The following KCNQ1 variants were observed in gnomAD, a reference collection of about 807,000 sequenced individuals.
The protein encoded by KCNQ1 is potassium voltage-gated channel subfamily KQT member 1.
A neutral mutation model predicts 72.4 loss-of-function variants in KCNQ1; 49 were observed. The observed-to-expected ratio is 0.68, with a 90% CI of 0.54 to 0.86. KCNQ1 has a LOEUF of 0.86. Ranked by LOEUF, KCNQ1 falls within the 40% of genes least tolerant of loss-of-function variation. The pLI is 0.00. For synonymous variants in KCNQ1, 450 were observed against 412.6 expected (o/e 1.09, Z -1.10); for missense variants, 790 against 945.1 (o/e 0.84, Z 2.15).
Position 2,608,401 on chromosome 11 carries a change from A to G in KCNQ1, c.1393+19547A>G. The G allele has an allele frequency of 2.5e-6, 1 of 398,614 alleles. No homozygotes were observed. The highest frequency in any genetic ancestry group is 4.4e-6 in the Non-Finnish European group (1 of 226,066). The allele number at this position is 398,614 out of a possible 1,614,324, so 24.7% of individuals were successfully genotyped here. A position where few individuals can be genotyped will look rare whatever the true frequency, so the allele number is the denominator to read the frequency against. ...CTAAGTTTTATAATTTATTGGCACA[A>G]AATTGTTCATAGTGTTCCTTCATAA... On this transcript the variant is annotated intron_variant, in intron 10 of 15. Transcript: ENST00000155840. The surrounding 1 kb of genome is among the most constrained non-coding windows in gnomAD (Gnocchi z 4.6).
At position 2,763,656 on chromosome 11, in the gene KCNQ1, C is replaced by G. The variant is rs80010853; in HGVS notation, c.1515-5188C>G. On this transcript the variant is annotated intron_variant, in intron 11 of 15. Transcript: ENST00000155840. ...TACAGCAGCCTTGAGCTCCTGGGCTCAAGCAGTCCGCCCATCTCAGCCTCC... is the reference window on the plus strand; with the variant it reads ...TACAGCAGCCTTGAGCTCCTGGGCTGAAGCAGTCCGCCCATCTCAGCCTCC... 3.9e-5 allele frequency among the ~76,000 whole-genome samples: 6 copies of G among 152,326 alleles called. No homozygotes were observed. The East Asian group carries it at 1.2e-3, about 29-fold the overall frequency.
chr11:2,539,274 A>G (rs2133674124), intron 2 of KCNQ1, among the ~76,000 whole-genome samples: 1 of 152,188 alleles, frequency 6.6e-6, no homozygotes, highest in East Asian at 1.9e-4. Flanking sequence ...CCCCAGAAAG[A>G]CCCCATAATG....
At chr11:2,583,209 A>T (rs1848530257) in intron 6 of KCNQ1, among the ~76,000 whole-genome samples, 1 of 152,044 alleles carries the variant, frequency 6.6e-6, no homozygotes, top group South Asian at 2.1e-4. Flanking sequence ...GGCTCCTTAC[A>T]TGTGCTGGTG....
intron 15 of KCNQ1, 36 bp from the exon 16 acceptor site, chr11:2,847,731 C>A (rs1848359966): frequency 6.4e-7 from 1 of 1,555,700 alleles, no homozygotes. Context: ...GGGTGCTTCC[C>A]ACCACTGACT....
At position 2,463,737 on chromosome 11, in the gene KCNQ1, C is replaced by T. The variant is rs1291684766; in HGVS notation, c.386+18253C>T. Among the ~76,000 whole-genome samples, 5 of 152,220 alleles carry T rather than the reference C, an allele frequency of 3.3e-5. No individual in the cohort carries two copies. The highest frequency in any genetic ancestry group is 4.8e-5 in the African/African-American group (2 of 41,452). ...ATGTGAACCCTGAGTTTGTGCAACT[C>T]GAGTTTCAGAGTGGCGGCCTCTGCT... On this transcript the variant is annotated intron_variant, in intron 1 of 15. Coordinates refer to ENST00000155840, the MANE Select transcript of KCNQ1 (RefSeq NM_000218.3). This position sits in a 1 kb window ranked among gnomAD's most constrained non-coding sequence, Gnocchi z 7.0.
Position 2,677,151 on chromosome 11 carries a change from T to C in KCNQ1, c.1514+15070T>C, listed in dbSNP as rs181157787. On this transcript the variant is annotated intron_variant, in intron 11 of 15. Transcript: ENST00000155840. This position sits in a 1 kb window ranked among gnomAD's most constrained non-coding sequence, Gnocchi z 4.5. ...CATCCCTCCCTATTGAACACTGTTG[T>C]TTCTCCCTATCCATCTTATCCCTAC... 4.0e-5 allele frequency: 16 copies of C among 398,650 alleles called. 1 individual carries two copies. The Admixed American group carries it at 6.2e-4, about 15-fold the overall frequency. 24.7% of individuals were successfully genotyped at this position (398,650 alleles called of 1,614,324 possible).
intron 4 of KCNQ1, among the ~76,000 whole-genome samples, 169 bp from the exon 5 acceptor site, chr11:2,571,844 G>T (rs1449215576): frequency 1.3e-5 from 2 of 152,162 alleles, no homozygotes; most frequent in Non-Finnish European, 2.9e-5. Flanking sequence ...GCCTGAGAGG[G>T]AGATTCCCAG....
chr11:2,605,823 A>G (rs1848870421), intron 10 of KCNQ1, among the ~76,000 whole-genome samples: 1 of 152,246 alleles, frequency 6.6e-6, no homozygotes, highest in Non-Finnish European at 1.5e-5. Context: ...ACCAGCTGAG[A>G]TTCTGGTAAG....
rs1202454226 is a variant in KCNQ1 at position 2,746,820 on chromosome 11, G to A, written c.1515-22024G>A. Among the ~76,000 whole-genome samples the A allele has an allele frequency of 6.6e-6, 1 of 152,344 alleles. No individual in the cohort carries two copies. The highest frequency in any genetic ancestry group is 1.9e-4 in the East Asian group (1 of 5,176). ...GGACCCGCCAGCATTTGGCTCTGGGGCCCTAGAGAGACCCTGGGATGTGGA... is the reference window on the plus strand; with the variant it reads ...GGACCCGCCAGCATTTGGCTCTGGGACCCTAGAGAGACCCTGGGATGTGGA... On this transcript the variant is annotated intron_variant, in intron 11 of 15. Coordinates refer to ENST00000155840, the MANE Select transcript of KCNQ1 (RefSeq NM_000218.3). The surrounding 1 kb of genome is among the most constrained non-coding windows in gnomAD (Gnocchi z 5.9).
chr11:2,577,655 T>C (rs1848442837), intron 6 of KCNQ1, among the ~76,000 whole-genome samples: 1 of 152,184 alleles, frequency 6.6e-6, no homozygotes, highest in African/African-American at 2.4e-5. Flanking sequence ...CTGCTTTTGC[T>C]TTTACCCTGA....
At chr11:2,615,384 T>A in intron 10 of KCNQ1, 1 of 398,112 alleles carries the variant, frequency 2.5e-6, no homozygotes, top group Non-Finnish European at 4.4e-6. Context: ...GCTATTCATT[T>A]ACCTGTTTGT....
In KCNQ1 at chr11:2,457,197, C is replaced by T. The variant is rs946843217; in HGVS notation, c.386+11713C>T. Among the ~76,000 whole-genome samples the T allele has an allele frequency of 2.0e-4, 31 of 152,214 alleles. No homozygotes were observed. Among genetic ancestry groups the T allele is most frequent in the African/African-American group, 6.7e-4 (28 of 41,546 alleles). On this transcript the variant is annotated intron_variant, in intron 1 of 15. Coordinates refer to ENST00000155840, the MANE Select transcript of KCNQ1 (RefSeq NM_000218.3). This position sits in a 1 kb window ranked among gnomAD's most constrained non-coding sequence, Gnocchi z 5.0. The stretch of plus-strand genomic sequence containing the variant: ...AAGGGGAACACTTACACCCTGTTGA[C>T]GGGAGTGTAAATGAGTCCAGCCACC...
intron 1 of KCNQ1, among the ~76,000 whole-genome samples, chr11:2,469,994 A>C (rs1010314354): frequency 6.6e-6 from 1 of 150,660 alleles, no homozygotes; most frequent in Admixed American, 6.6e-5. Context: ...CTGCGGTCTC[A>C]CTCTGTCGCC....
At chr11:2,742,835 G>A (rs1564878659) in intron 11 of KCNQ1, among the ~76,000 whole-genome samples, 1 of 152,146 alleles carries the variant, frequency 6.6e-6, no homozygotes, top group Non-Finnish European at 1.5e-5. Context: ...AGCGGCTTAG[G>A]GACCCCCGAG....
In KCNQ1 at chr11:2,613,920, T is replaced by C. The variant is rs539090378; in HGVS notation, c.1393+25066T>C. The C allele has an allele frequency of 1.0e-5, 4 of 398,606 alleles. No homozygotes were observed. In the South Asian group the frequency reaches 5.1e-4, roughly 51 times the overall value. 24.7% of individuals were successfully genotyped at this position (398,606 alleles called of 1,614,324 possible). A position where few individuals can be genotyped will look rare whatever the true frequency, so the allele number is the denominator to read the frequency against. ...TCCCAAAAAAGTACTATTCTGTATA[T>C]GCCCTTTTGAACTTTGCTTTTCTCA... is the stretch of plus-strand genomic sequence containing the variant. On this transcript the variant is annotated intron_variant, in intron 10 of 15. Transcript: ENST00000155840. This position sits in a 1 kb window ranked among gnomAD's most constrained non-coding sequence, Gnocchi z 4.8.
rs1286402907 is a variant in KCNQ1, at chr11:2,492,181, T to G, written c.387-35747T>G. ...TACATACACAGAAATACAAATAGTA[T>G]TATAACACTGTAATTATGGTGTGTA... On this transcript the variant is annotated intron_variant, in intron 1 of 15. Transcript: ENST00000155840. The surrounding 1 kb of genome is among the most constrained non-coding windows in gnomAD (Gnocchi z 4.1). 6.6e-6 allele frequency among the ~76,000 whole-genome samples: 1 copy of G among 152,150 alleles called. No homozygotes were observed. The highest frequency in any genetic ancestry group is 1.5e-5 in the Non-Finnish European group (1 of 68,034).
At chr11:2,587,284 A>C (rs1213228497) in intron 8 of KCNQ1, among the ~76,000 whole-genome samples, 1 of 152,192 alleles carries the variant, frequency 6.6e-6, no homozygotes, top group Non-Finnish European at 1.5e-5. Flanking sequence ...CTTTGGCTCA[A>C]GGCTGGCTCA....
intron 4 of KCNQ1, 81 bp downstream of exon 4, chr11:2,571,484 CAT>C: frequency 8.6e-7 from 1 of 1,166,216 alleles, no homozygotes; most frequent in Non-Finnish European, 1.3e-6. Flanking sequence ...TCTCACGCCC[CAT>C]CCACCTTGCT....
chr11:2,691,874 CT>C lies in KCNQ1; in HGVS notation c.1514+29794del, dbSNP rs1850594233. The C allele has an allele frequency of 2.5e-6, 1 of 398,652 alleles. No homozygotes were observed. The allele number at this position is 398,652 out of a possible 1,614,324, so 24.7% of individuals were successfully genotyped here. ...GGTCCTCTTTTCCATCCCTCCAGTT[CT>C]CCTGGCTTTCTTGCCATCTTTCTGG... is the stretch of plus-strand genomic sequence containing the variant. On this transcript the variant is annotated intron_variant, in intron 11 of 15. Transcript: ENST00000155840. The surrounding 1 kb of genome is among the most constrained non-coding windows in gnomAD (Gnocchi z 6.4).
Sources: gnomAD v4.1 joint callset for allele counts (sites outside exome capture counted in the v4.1 genomes callset) on GRCh38, gnomAD v4.1.1 for gene constraint, Gnocchi (gnomAD v3.1) non-coding constraint, MANE v1.5 for transcripts, NCBI Gene and HGNC (gene_info 2026-07-23, HGNC 2026-07-21) for gene names.